The following RHPN1 variants were observed in gnomAD, a reference collection of about 807,000 sequenced individuals.
RHPN1 encodes rhophilin Rho GTPase binding protein 1, also known as rhophilin-1.
In RHPN1, 77 loss-of-function variants were observed where a neutral mutation model predicts 74.7. The observed-to-expected ratio is 1.03, with a 90% CI of 0.86 to 1.25. The LOEUF (loss-of-function observed/expected upper bound fraction) is 1.25. Among genes scored for constraint, RHPN1 ranks in the 50% most tolerant of loss-of-function variants. RHPN1 has a pLI of 0.00. For missense variants in RHPN1, 987 were observed against 932.2 expected, an observed-to-expected ratio of 1.06 and a Z score of -0.77; for synonymous variants, 444 against 414.5, an observed-to-expected ratio of 1.07 and a Z score of -0.87.
intron 1 of RHPN1, among the ~76,000 whole-genome samples, chr8:143,374,448 C>T (rs569043399): frequency 2.6e-5 from 4 of 152,388 alleles, no homozygotes; most frequent in East Asian, 1.9e-4. Flanking sequence ...AGGTTGGCCA[C>T]GCCTGACTCA....
At position 143,378,962 on chromosome 8, in the gene RHPN1, A is replaced by T; in HGVS notation, c.635A>T (p.Glu212Val). Residue 212 changes from glutamate (E) to valine (V), a missense_variant, in exon 7 of 15, where the codon GAG becomes GTG. Coordinates refer to ENST00000289013, the MANE Select transcript of RHPN1 (RefSeq NM_052924.3). ...VPAQQRALAF[E>V]KGSVLFNIGA... ...GCCCAGCAGCGTGCCCTGGCCTTCG[A>T]GAAGGGCAGCGTTCTCTTCAACATC... 6.4e-7 allele frequency: 1 copy of T among 1,570,258 alleles called. No homozygotes were observed.
Position 143,382,471 on chromosome 8 carries a change from G to A in RHPN1, c.1833G>A (p.Gly611=), listed in dbSNP as rs759766999. 5.0e-6 allele frequency: 8 copies of A among 1,592,370 alleles called. No homozygotes were observed. The highest frequency in any genetic ancestry group is 2.3e-5 in the East Asian group (1 of 43,740). Residue 611 remains glycine (G), a synonymous_variant, in exon 15 of 15, where the codon GGG becomes GGA. Transcript: ENST00000289013. ...GGCCCGTCCTGCTGGGCCCCAGGGGGCTTCTAAGGAGCCAGAGGGAGCATG... is the reference window on the plus strand; with the variant it reads ...GGCCCGTCCTGCTGGGCCCCAGGGGACTTCTAAGGAGCCAGAGGGAGCATG... ...DRRPVLLGPR[G]LLRSQREHGC...
chr8:143,365,729 G>A (rs185056894), upstream of RHPN1, among the ~76,000 whole-genome samples: 118 of 152,314 alleles, frequency 7.7e-4, no homozygotes, highest in Non-Finnish European at 9.7e-4. Context: ...CAGGCACAGC[G>A]GCTCACACCT....
Position 143,381,923 on chromosome 8 carries a change from C to A in RHPN1, c.1752C>A (p.Ser584Arg), listed in dbSNP as rs891929743. ...ELKAAGEAGA[S>R]LQVVSLLPSS... ...AGGCTGCGGGAGAGGCGGGCGCCAGCCTGCAGGTGGTGTCGCTGCTGCCCA... is the reference window on the plus strand; with the variant it reads ...AGGCTGCGGGAGAGGCGGGCGCCAGACTGCAGGTGGTGTCGCTGCTGCCCA... The change falls in exon 14 of 15, where the codon AGC (serine) becomes AGA (arginine). Residue 584 changes from serine to arginine, a missense_variant. Coordinates refer to ENST00000289013, the MANE Select transcript of RHPN1 (RefSeq NM_052924.3). 4 of 1,610,532 alleles carry A rather than the reference C, an allele frequency of 2.5e-6. No individual in the cohort carries two copies. The highest frequency in any genetic ancestry group is 1.3e-5 in the African/African-American group (1 of 74,896).
At position 143,375,647 on chromosome 8, in the gene RHPN1, C is replaced by T. The variant is rs149047880; in HGVS notation, c.155C>T (p.Thr52Met). 42 of 1,607,926 alleles carry T rather than the reference C, an allele frequency of 2.6e-5. No individual in the cohort carries two copies. In the South Asian group the frequency reaches 3.1e-4, roughly 12 times the overall value. Residue 52 changes from threonine to methionine, a missense_variant, in exon 2 of 15, where the codon ACG becomes ATG. Coordinates refer to ENST00000289013, the MANE Select transcript of RHPN1 (RefSeq NM_052924.3). ...ATTGACAAGGAGCTGCAGATGCGGA[C>T]GGGCGCTGAGAACCTCTACAGGTCA... ...QQIDKELQMR[T>M]GAENLYRATS...
At position 143,380,159 on chromosome 8, in the gene RHPN1, G is replaced by A; in HGVS notation, c.1200G>A (p.Glu400=). 2 of 1,544,852 alleles carry A rather than the reference G, an allele frequency of 1.3e-6. No homozygotes were observed. The highest frequency in any genetic ancestry group is 1.7e-6 in the Non-Finnish European group (2 of 1,145,768). Residue 400 remains glutamate, a synonymous_variant, in exon 10 of 15, where the codon GAG becomes GAA. Transcript: ENST00000289013. The stretch of plus-strand genomic sequence containing the variant: ...GCCCTGTGCTGCCGCAGGAGCTGGA[G>A]GAGCGCAGGCAGCTTGGTAAGGCGC... ...PRGPVLPQEL[E]ERRQLGKAHL... is the part of the protein sequence containing the mutation.
intron 1 of RHPN1, among the ~76,000 whole-genome samples, chr8:143,372,049 A>G (rs1817858883): frequency 6.6e-6 from 1 of 152,142 alleles, no homozygotes; most frequent in Non-Finnish European, 1.5e-5. Context: ...AGGCCGAGGA[A>G]TGGACCAGGC....
At chr8:143,380,396 C>G in intron 10 of RHPN1, 193 bp from the exon 11 acceptor site, 1 of 654,478 alleles carries the variant, frequency 1.5e-6, no homozygotes, top group Non-Finnish European at 2.6e-6. Context: ...CCACTGGGAG[C>G]AGCTCATCCC....
In RHPN1 at chr8:143,381,938, G is replaced by A. The variant is rs777542274; in HGVS notation, c.1767G>A (p.Ser589=). ...CGGGCGCCAGCCTGCAGGTGGTGTCGCTGCTGCCCAGCTCTAGACTGCCCA... is the reference window on the plus strand; with the variant it reads ...CGGGCGCCAGCCTGCAGGTGGTGTCACTGCTGCCCAGCTCTAGACTGCCCA... ...GEAGASLQVV[S]LLPSSRLPSL... is the part of the protein sequence containing the mutation. The change falls in exon 14 of 15, where the codon TCG becomes TCA. Residue 589 remains serine, a synonymous_variant. Coordinates refer to ENST00000289013, the MANE Select transcript of RHPN1 (RefSeq NM_052924.3). The A allele has an allele frequency of 6.9e-5, 111 of 1,608,088 alleles. 2 individuals are homozygous for A. The South Asian group carries it at 1.1e-3, about 15-fold the overall frequency.
upstream of RHPN1, among the ~76,000 whole-genome samples, chr8:143,366,148 A>G: frequency 6.6e-6 from 1 of 151,310 alleles, no homozygotes; most frequent in East Asian, 2.0e-4. Flanking sequence ...TTTTTTCTTT[A>G]TAAATTACAA....
In RHPN1 at chr8:143,383,226, T is replaced by TGGGCTCTGTGCTGGTCATCCC. The variant is rs375301328; in HGVS notation, c.*592_*593insTCCCGGGCTCTGTGCTGGTCA. The stretch of plus-strand genomic sequence containing the variant: ...CCTCTGCGCCCTGTGCTGGTCATCA[T>TGGGCTCTGTGCTGGTCATCCC]GGGCTCTGTGCTGGTCAACCCAGCA... On this transcript the variant is annotated 3_prime_UTR_variant, in exon 15 of 15. Transcript: ENST00000289013. 5,820 of 155,662 alleles carry TGGGCTCTGTGCTGGTCATCCC rather than the reference T, an allele frequency of 0.037. 330 individuals carry two copies. The highest frequency in any genetic ancestry group is 0.13 in the African/African-American group (5,494 of 41,548). 9.6% of individuals were successfully genotyped at this position (155,662 alleles called of 1,614,324 possible).
Position 143,380,065 on chromosome 8 carries a change from C to T in RHPN1, c.1106C>T (p.Ala369Val), listed in dbSNP as rs758936452. The change falls in exon 10 of 15, where the codon GCG (alanine) becomes GTG (valine). Residue 369 changes from alanine (A) to valine (V), a missense_variant. Transcript: ENST00000289013. ...TCACAGCCTCTCTGTCCCCCAGCAG[C>T]GACCGAGGGAGAGCTCCCCACGCAC... ...VAMALCDGSP[A>V]TEGELPTHEQ... The T allele has an allele frequency of 3.8e-5, 59 of 1,545,118 alleles. No individual in the cohort carries two copies. The highest frequency in any genetic ancestry group is 6.0e-5 in the South Asian group (5 of 83,368).
rs1818832788 is a variant in RHPN1, at chr8:143,382,784, G to A, written c.*133G>A. 6.8e-6 allele frequency: 5 copies of A among 734,424 alleles called. No individual in the cohort carries two copies. Among genetic ancestry groups the A allele is most frequent in the Non-Finnish European group, 1.1e-5 (5 of 451,042 alleles). The allele number at this position is 734,424 out of a possible 1,614,324, so 45.5% of individuals were successfully genotyped here. A position where few individuals can be genotyped will look rare whatever the true frequency, so the allele number is the denominator to read the frequency against. ...TGGAGGCTGCCTCGGGCACCTGCCT[G>A]CCCATTAAAGACTGGTCAGACCTGT... On this transcript the variant is annotated 3_prime_UTR_variant, in exon 15 of 15. Transcript: ENST00000289013.
Position 143,382,811 on chromosome 8 carries a change from T to A in RHPN1, c.*160T>A, listed in dbSNP as rs1818833993. 3.2e-6 allele frequency: 2 copies of A among 622,288 alleles called. No individual in the cohort carries two copies. Among genetic ancestry groups the A allele is most frequent in the Admixed American group, 5.8e-5 (2 of 34,458 alleles). The allele number at this position is 622,288 out of a possible 1,614,324, so 38.5% of individuals were successfully genotyped here. On this transcript the variant is annotated 3_prime_UTR_variant, in exon 15 of 15. Coordinates refer to ENST00000289013, the MANE Select transcript of RHPN1 (RefSeq NM_052924.3). The stretch of plus-strand genomic sequence containing the variant: ...CCATTAAAGACTGGTCAGACCTGTC[T>A]GAGCCCAGTGATGGGAGCTGTGGCC...
At chr8:143,378,166 C>T in intron 4 of RHPN1, 103 bp from the exon 5 acceptor site, 1 of 978,312 alleles carries the variant, frequency 1.0e-6, no homozygotes, top group Non-Finnish European at 1.6e-6. Flanking sequence ...GCGGCACAGA[C>T]CCTCCCTCCA....
intron 1 of RHPN1, 41 bp downstream of exon 1, chr8:143,369,088 A>C: frequency 7.0e-7 from 1 of 1,425,860 alleles, no homozygotes; most frequent in Non-Finnish European, 9.2e-7. Context: ...GGGGCCCGGA[A>C]TCCCGGCCTT....
intron 5 of RHPN1, 115 bp downstream of exon 5, chr8:143,378,461 G>C (rs1403668118): frequency 4.8e-6 from 5 of 1,039,762 alleles, no homozygotes; most frequent in South Asian, 1.5e-5. Flanking sequence ...CGAGGACGTG[G>C]GGAGACGGGC....
chr8:143,376,980 G>A (rs1476972027), intron 3 of RHPN1, among the ~76,000 whole-genome samples: 4 of 151,486 alleles, frequency 2.6e-5, no homozygotes, highest in Admixed American at 2.0e-4. Flanking sequence ...CTGCGTGCGT[G>A]TGCATGTCTG....
At chr8:143,376,859 T>A (rs1199160748) in intron 3 of RHPN1, among the ~76,000 whole-genome samples, 1 of 7,276 alleles carries the variant, frequency 1.4e-4, no homozygotes, top group Non-Finnish European at 2.6e-4. Flanking sequence ...TGCGTGTGTC[T>A]CTGTGTGTAT....
Sources: gnomAD v4.1 joint callset for allele counts (sites outside exome capture counted in the v4.1 genomes callset) on GRCh38, gnomAD v4.1.1 for gene constraint, MANE v1.5 for transcripts, NCBI Gene and HGNC (gene_info 2026-07-23, HGNC 2026-07-21) for gene names.